Variants in DLG2 observed in about 807,000 individuals in gnomAD.
DLG2 encodes disks large homolog 2.
A neutral mutation model predicts 132.5 loss-of-function variants in DLG2; 45 were observed. The observed-to-expected ratio is 0.34, with a 90% CI of 0.27 to 0.44. The LOEUF (loss-of-function observed/expected upper bound fraction) is 0.44. Ranked by LOEUF, DLG2 falls within the 20% of genes least tolerant of loss-of-function variation. The pLI, the probability that DLG2 is intolerant of heterozygous loss-of-function variation, is 1.00. For missense variants in DLG2, 1,045 were observed against 1,196.9 expected (o/e 0.87, Z 1.87); for synonymous variants, 424 against 419.6 (o/e 1.01, Z -0.13).
At chr11:85,496,311 C>G (rs286528) in intron 3 of DLG2, among the ~76,000 whole-genome samples, 110,748 of 152,086 alleles carry the variant, frequency 0.73, 41,451 homozygotes, top group Middle Eastern at 0.86. Flanking sequence ...GTGCAGCAGT[C>G]TGAGATTGAC....
At position 85,560,971 on chromosome 11, in the gene DLG2, G is replaced by A. The variant is rs149160445; in HGVS notation, c.40+37686C>T. On this transcript the variant is annotated intron_variant, in intron 3 of 27. Coordinates refer to ENST00000376104, the MANE Select transcript of DLG2 (RefSeq NM_001142699.3). The stretch of plus-strand genomic sequence containing the variant: ...TGCTTGAGCCTGAGAGGTCAAGGCT[G>A]CAGTGAGCTGTGATCATTCCATTGC... Among the ~76,000 whole-genome samples, 569 of 151,684 alleles carry A rather than the reference G, an allele frequency of 3.8e-3. 12 individuals carry two copies. The highest frequency in any genetic ancestry group is 6.2e-3 in the Non-Finnish European group (419 of 67,808).
intron 4 of DLG2, among the ~76,000 whole-genome samples, chr11:85,261,560 T>C (rs1009917036): frequency 6.6e-6 from 1 of 152,046 alleles, no homozygotes; most frequent in Admixed American, 6.6e-5. Flanking sequence ...AATTAGGATA[T>C]TGGATCTTGC....
At chr11:83,541,936 G>C in intron 19 of DLG2, 78 bp from the exon 20 acceptor site, 1 of 1,407,258 alleles carries the variant, frequency 7.1e-7, no homozygotes, top group East Asian at 2.5e-5. Flanking sequence ...TCAAATGTTT[G>C]CTCTTGCTCT....
At chr11:85,108,268 A>G (rs2152308335) in intron 6 of DLG2, among the ~76,000 whole-genome samples, 1 of 152,190 alleles carries the variant, frequency 6.6e-6, no homozygotes. Flanking sequence ...CAAGAATAGG[A>G]CAGTGGAGAA....
rs762841674 is a variant in DLG2 at position 84,098,956 on chromosome 11, G to A, written c.716C>T (p.Pro239Leu). 2 of 1,613,356 alleles carry A rather than the reference G, an allele frequency of 1.2e-6. No individual in the cohort carries two copies. The highest frequency in any genetic ancestry group is 1.1e-5 in the South Asian group (1 of 91,014). Residue 239 changes from proline to leucine, a missense_variant, in exon 10 of 28, where the codon CCA (proline) becomes CTA (leucine). Around this residue, in one of 4 missense-constraint regions of DLG2, gnomAD observed 109 missense variants for 159.1 expected, o/e 0.69. Transcript: ENST00000376104. The part of the protein sequence containing the change: ...DPGIFITKII[P>L]GGAAAEDGRL... ...GCCATCCTCTGCTGCAGCACCTCCT[G>A]GTATAATCTTCGTAATAAATATGCC...
chr11:84,760,964 C>T (rs1285586505), intron 6 of DLG2, among the ~76,000 whole-genome samples: 2 of 152,156 alleles, frequency 1.3e-5, no homozygotes, highest in Non-Finnish European at 2.9e-5. Flanking sequence ...TCAATAAAAC[C>T]TGGCACTCAT....
At chr11:84,258,163 A>G (rs2154355569) in intron 7 of DLG2, among the ~76,000 whole-genome samples, 1 of 152,298 alleles carries the variant, frequency 6.6e-6, no homozygotes. Context: ...GAAAAGGCTG[A>G]TGGCCCCAGC....
At chr11:83,913,459 A>T (rs1269172332) in intron 15 of DLG2, among the ~76,000 whole-genome samples, 1 of 152,112 alleles carries the variant, frequency 6.6e-6, no homozygotes, top group African/African-American at 2.4e-5. Context: ...GAGTCCTTGA[A>T]CTCAAGAAGC....
In DLG2 at chr11:84,501,867, G is replaced by A. The variant is rs546775696; in HGVS notation, c.519+32703C>T. Reference sequence around the variant, plus strand: ...ATAGTAGAAAAACCATGTGAATAAGGGTAGAGGATTTTTTTTTAAGCTTTA... The same window carrying A: ...ATAGTAGAAAAACCATGTGAATAAGAGTAGAGGATTTTTTTTTAAGCTTTA... On this transcript the variant is annotated intron_variant, in intron 7 of 27. Coordinates refer to ENST00000376104, the MANE Select transcript of DLG2 (RefSeq NM_001142699.3). Among the ~76,000 whole-genome samples the A allele has an allele frequency of 5.3e-5, 8 of 152,060 alleles. No individual in the cohort carries two copies. The South Asian group carries it at 1.5e-3, about 28-fold the overall frequency.
In DLG2 at chr11:84,852,996, G is replaced by A. The variant is rs1418198827; in HGVS notation, c.357+258665C>T. On this transcript the variant is annotated intron_variant, in intron 6 of 27. Transcript: ENST00000376104. Reference sequence around the variant, plus strand: ...TGAAAAAGGAAGAAAAGCAAAATTGGATTTATTTTGCACCTACTATGTTCC... The same window carrying A: ...TGAAAAAGGAAGAAAAGCAAAATTGAATTTATTTTGCACCTACTATGTTCC... 3.9e-5 allele frequency among the ~76,000 whole-genome samples: 6 copies of A among 151,984 alleles called. No individual in the cohort carries two copies. In the East Asian group the frequency reaches 1.2e-3, roughly 30 times the overall value.
intron 7 of DLG2, among the ~76,000 whole-genome samples, chr11:84,490,276 T>C (rs560399503): frequency 1.1e-3 from 175 of 152,268 alleles, no homozygotes; most frequent in African/African-American, 4.1e-3. Flanking sequence ...GTTAATAGTT[T>C]CAAGTTCCAC....
At chr11:84,682,752 G>GTGT (rs1348246037) in intron 6 of DLG2, among the ~76,000 whole-genome samples, 1 of 152,138 alleles carries the variant, frequency 6.6e-6, no homozygotes, top group Non-Finnish European at 1.5e-5. Context: ...GAGGACTCTA[G>GTGT]GAAGCCTTTA....
chr11:85,294,026 G>C (rs990846751), intron 3 of DLG2, among the ~76,000 whole-genome samples: 1 of 152,066 alleles, frequency 6.6e-6, no homozygotes, highest in African/African-American at 2.4e-5. Flanking sequence ...AAGATTGGTT[G>C]AAGCCAGGAG....
intron 8 of DLG2, among the ~76,000 whole-genome samples, chr11:84,237,829 C>T (rs1214181026): frequency 4.0e-5 from 6 of 151,760 alleles, no homozygotes; most frequent in Non-Finnish European, 5.9e-5. Flanking sequence ...TGAGGTCAAG[C>T]GTTCAAGACC....
At chr11:83,663,540 T>C (rs1034779911) in intron 18 of DLG2, among the ~76,000 whole-genome samples, 4 of 152,220 alleles carry the variant, frequency 2.6e-5, no homozygotes, top group East Asian at 1.9e-4. Flanking sequence ...TGCAGCGTCA[T>C]TGCAGATACA....
chr11:84,358,851 C>A (rs968973032), intron 7 of DLG2, among the ~76,000 whole-genome samples: 2 of 151,972 alleles, frequency 1.3e-5, no homozygotes, highest in Non-Finnish European at 2.9e-5. Context: ...CCCATTTCTA[C>A]ATACATAAAG....
chr11:83,583,363 C>T (rs1484958161), intron 19 of DLG2, among the ~76,000 whole-genome samples: 5 of 152,156 alleles, frequency 3.3e-5, no homozygotes, highest in Admixed American at 2.6e-4. Context: ...CCTGCAAGCC[C>T]GGGCATTGCC....
rs1352556137 is a variant in DLG2, at chr11:84,082,235, G to GCCA, written c.749+16687_749+16688insTGG. Reference sequence around the variant, plus strand: ...CCAAAATTTACAAAATATTTTTAAAGTACAATGCCTGTGTTATGGTATTAA... The same window carrying GCCA: ...CCAAAATTTACAAAATATTTTTAAAGCCATACAATGCCTGTGTTATGGTATTAA... On this transcript the variant is annotated intron_variant, in intron 10 of 27. Transcript: ENST00000376104. Among the ~76,000 whole-genome samples the GCCA allele has an allele frequency of 5.9e-5, 9 of 151,932 alleles. No individual in the cohort carries two copies. The East Asian group carries it at 1.7e-3, about 30-fold the overall frequency.
At chr11:84,757,808 C>G (rs2067086044) in intron 6 of DLG2, among the ~76,000 whole-genome samples, 1 of 152,148 alleles carries the variant, frequency 6.6e-6, no homozygotes, top group African/African-American at 2.4e-5. Context: ...TACTGCTTTC[C>G]CAAGAAAAAC....
Sources: allele counts gnomAD v4.1 joint callset (sites outside exome capture counted in the v4.1 genomes callset), GRCh38; gene constraint gnomAD v4.1.1; regional missense constraint gnomAD v4.1.1; transcripts MANE v1.5; gene names NCBI Gene and HGNC (gene_info 2026-07-23, HGNC 2026-07-21).